TNFSF4: variants seen among roughly 807,000 people sequenced by gnomAD.
TNFSF4 encodes the protein TNF superfamily member 4.
Under a neutral mutation model 7.3 loss-of-function variants are expected in TNFSF4, and 4 were observed. The observed-to-expected ratio is 0.55, with a 90% CI of 0.27 to 1.25. TNFSF4 has a LOEUF of 1.25. Among genes scored for constraint, TNFSF4 ranks in the 50% most tolerant of loss-of-function variants. The pLI, the probability that TNFSF4 is intolerant of heterozygous loss-of-function variation, is 0.12. For synonymous variants in TNFSF4, 76 were observed against 83.7 expected (o/e 0.91, Z 0.50); for missense variants, 181 against 208.8 (o/e 0.87, Z 0.82).
rs867171068 is a variant in TNFSF4, at chr1:173,186,667, G to A, written c.401C>T (p.Ser134Phe). 1 of 1,614,194 alleles carries A rather than the reference G, an allele frequency of 6.2e-7. No homozygotes were observed. The highest frequency in any genetic ancestry group is 1.1e-5 in the South Asian group (1 of 91,086). Residue 134 changes from serine (S) to phenylalanine (F), a missense_variant, in exon 3 of 3, where the codon TCT (serine) becomes TTT (phenylalanine). Transcript: ENST00000281834. ...EPLFQLKKVR[S>F]VNSLMVASLT... is the part of the protein sequence containing the mutation. The stretch of plus-strand genomic sequence containing the variant: ...AGAGGCCACCATCAAGGAGTTGACA[G>A]ACCTGACCTTCTTCAGTTGGAAGAG...
the TNFSF4 span, among the ~76,000 whole-genome samples, chr1:173,392,885 G>A: frequency 6.6e-6 from 1 of 152,052 alleles, no homozygotes; most frequent in Non-Finnish European, 1.5e-5. Context: ...CCTTAAAGAA[G>A]GGGATTTTAC....
At chr1:173,395,279 A>G in the TNFSF4 span, among the ~76,000 whole-genome samples, 1 of 149,756 alleles carries the variant, frequency 6.7e-6, no homozygotes, top group African/African-American at 2.4e-5. Context: ...CTGATAATTC[A>G]TGGCATACTC....
the TNFSF4 span, among the ~76,000 whole-genome samples, chr1:173,230,431 T>C: frequency 9.2e-5 from 14 of 152,266 alleles, no homozygotes; most frequent in Non-Finnish European, 2.1e-4. Context: ...TTCAAAGCAG[T>C]GTGTAGAGGG....
At chr1:173,300,024 G>C in the TNFSF4 span, among the ~76,000 whole-genome samples, 6 of 151,574 alleles carry the variant, frequency 4.0e-5, no homozygotes, top group Non-Finnish European at 8.8e-5. Context: ...GATTTTTTAT[G>C]AGTTCAATAA....
the TNFSF4 span, among the ~76,000 whole-genome samples, chr1:173,251,175 T>C: frequency 6.6e-6 from 1 of 152,200 alleles, no homozygotes; most frequent in African/African-American, 2.4e-5. Flanking sequence ...GCCAGGTGTT[T>C]AATATGGCAA....
At chr1:173,182,070 A>G (rs955825056), downstream of TNFSF4, among the ~76,000 whole-genome samples, 1 of 152,178 alleles carries the variant, frequency 6.6e-6, no homozygotes, top group Non-Finnish European at 1.5e-5. Context: ...TTAAAATGCT[A>G]CTGAAAACCA....
At chr1:173,434,035 C>A in the TNFSF4 span, among the ~76,000 whole-genome samples, 1 of 152,130 alleles carries the variant, frequency 6.6e-6, no homozygotes, top group Non-Finnish European at 1.5e-5. Context: ...AGCAAGCCAC[C>A]CCAAAGCTAA....
At chr1:173,383,214 C>G in the TNFSF4 span, among the ~76,000 whole-genome samples, 1 of 152,110 alleles carries the variant, frequency 6.6e-6, no homozygotes, top group South Asian at 2.1e-4. Context: ...ACAGCCCCTG[C>G]CACAACAAAG....
the TNFSF4 span, among the ~76,000 whole-genome samples, chr1:173,395,290 T>C: frequency 6.7e-6 from 1 of 148,554 alleles, no homozygotes; most frequent in Non-Finnish European, 1.5e-5. Context: ...TGGCATACTC[T>C]GGCAATAGAG....
the TNFSF4 span, among the ~76,000 whole-genome samples, chr1:173,176,864 T>C: frequency 2.6e-5 from 4 of 151,868 alleles, no homozygotes; most frequent in African/African-American, 9.7e-5. Flanking sequence ...AGCAAACTAA[T>C]CCAGGAAAAG....
the TNFSF4 span, among the ~76,000 whole-genome samples, chr1:173,421,307 A>G: frequency 2.0e-5 from 3 of 152,210 alleles, no homozygotes; most frequent in African/African-American, 7.2e-5. Flanking sequence ...TGGACATCCT[A>G]GATTCTTATT....
At chr1:173,322,411 G>A in the TNFSF4 span, among the ~76,000 whole-genome samples, 1 of 152,100 alleles carries the variant, frequency 6.6e-6, no homozygotes, top group African/African-American at 2.4e-5. Flanking sequence ...GGGGGGTGGA[G>A]CCAAGATGGC....
chr1:173,229,500 G>A, the TNFSF4 span, among the ~76,000 whole-genome samples: 21 of 152,288 alleles, frequency 1.4e-4, no homozygotes, highest in South Asian at 8.3e-4. Context: ...AAAGACCATC[G>A]ATGCTAGGAA....
At chr1:173,173,528 G>A in the TNFSF4 span, among the ~76,000 whole-genome samples, 1 of 152,210 alleles carries the variant, frequency 6.6e-6, no homozygotes, top group East Asian at 1.9e-4. Context: ...GGTTGTCCAT[G>A]AGGGCTCCAC....
the TNFSF4 span, among the ~76,000 whole-genome samples, chr1:173,259,387 A>G: frequency 6.6e-6 from 1 of 152,218 alleles, no homozygotes; most frequent in African/African-American, 2.4e-5. Context: ...CACAAAGATG[A>G]GAGTTAATAC....
chr1:173,174,057 C>T, the TNFSF4 span, among the ~76,000 whole-genome samples: 2 of 152,170 alleles, frequency 1.3e-5, no homozygotes, highest in African/African-American at 4.8e-5. Context: ...TGCTTTGCAG[C>T]TTAGAAATTT....
the TNFSF4 span, among the ~76,000 whole-genome samples, chr1:173,377,421 A>AC: frequency 6.6e-6 from 1 of 152,208 alleles, no homozygotes; most frequent in African/African-American, 2.4e-5. Flanking sequence ...AAGGGTCGAC[A>AC]GAGAGGAAGG....
the TNFSF4 span, among the ~76,000 whole-genome samples, chr1:173,298,991 T>G: frequency 6.6e-6 from 1 of 151,892 alleles, no homozygotes; most frequent in Admixed American, 6.6e-5. Flanking sequence ...TAACTATGAG[T>G]GATATATCCA....
chr1:173,420,129 C>A, the TNFSF4 span, among the ~76,000 whole-genome samples: 3 of 151,962 alleles, frequency 2.0e-5, no homozygotes, highest in African/African-American at 7.3e-5. Flanking sequence ...CTTGTCCCTG[C>A]ACTTGAGATG....
Sources: gnomAD v4.1 joint callset for allele counts (sites outside exome capture counted in the v4.1 genomes callset) on GRCh38, gnomAD v4.1.1 for gene constraint, MANE v1.5 for transcripts, NCBI Gene and HGNC (gene_info 2026-07-23, HGNC 2026-07-21) for gene names.